ZC3H11A: variants seen among roughly 807,000 people sequenced by gnomAD.
ZC3H11A encodes zinc finger CCCH-type containing 11A.
ZC3H11A carries 22 observed loss-of-function variants against 90.8 expected under a neutral mutation model. That is an observed-to-expected ratio of 0.24 (90% CI 0.17 to 0.35). The LOEUF (loss-of-function observed/expected upper bound fraction) is 0.35, where lower values mean the gene tolerates loss of function less well. ZC3H11A is among the 10% of genes least tolerant of loss of function. ZC3H11A has a pLI of 1.00. For synonymous variants in ZC3H11A, 294 were observed against 339.8 expected (o/e 0.87, Z 1.48); for missense variants, 701 against 964.9 (o/e 0.73, Z 3.62).
In ZC3H11A at chr1:203,802,714, CTTTTTTTTTGT is replaced by C. The variant is rs1484833942; in HGVS notation, c.-433_-423del. 1 of 131,660 alleles carries C rather than the reference CTTTTTTTTTGT, an allele frequency of 7.6e-6. No homozygotes were observed. Among genetic ancestry groups the C allele is most frequent in the Admixed American group, 7.9e-5 (1 of 12,716 alleles). The allele number at this position is 131,660 out of a possible 1,614,324, so 8.2% of individuals were successfully genotyped here. On this transcript the variant is annotated 5_prime_UTR_variant, in exon 2 of 18. The change creates a premature stop within an existing upstream ORF in the 5' untranslated region. Transcript: ENST00000367210. ...TCTCAAGTTCATCTTTAAATGAACT[CTTTTTTTTTGT>C]TTTTTTTTTGTTTTGTTTTGTTTTG...
Position 203,827,473 on chromosome 1 carries a change from G to C in ZC3H11A, c.175-826G>C, listed in dbSNP as rs1438641570. ...AGGCGGGCGGATCACGAGGTCAGGA[G>C]ATCAAGACCATCCTGGCTAACATGG... On this transcript the variant is annotated intron_variant, in intron 4 of 17. Transcript: ENST00000367210. Among the ~76,000 whole-genome samples, 6 of 151,518 alleles carry C rather than the reference G, an allele frequency of 4.0e-5. No homozygotes were observed. In the South Asian group the frequency reaches 1.3e-3, roughly 32 times the overall value.
rs922293434 is a variant in ZC3H11A, at chr1:203,803,029, G to A, written c.-146+13G>A. 2 of 152,548 alleles carry A rather than the reference G, an allele frequency of 1.3e-5. No individual in the cohort carries two copies. The highest frequency in any genetic ancestry group is 2.9e-5 in the Non-Finnish European group (2 of 68,034). The allele number at this position is 152,548 out of a possible 1,614,324, so 9.4% of individuals were successfully genotyped here. A position where few individuals can be genotyped will look rare whatever the true frequency, so the allele number is the denominator to read the frequency against. ...GCAACCAGCTAATGTAAGTGGGGAA[G>A]CAGGCATTTTTCGCATGAAAGGAGT... On this transcript the variant is annotated intron_variant, in intron 2 of 17. Transcript: ENST00000367210.
At chr1:203,833,770 A>G in intron 9 of ZC3H11A, 21 bp from the exon 10 acceptor site, 2 of 1,602,934 alleles carry the variant, frequency 1.2e-6, no homozygotes, top group Non-Finnish European at 1.7e-6. Flanking sequence ...GGATAGAGAA[A>G]TTCTGCTTTT....
At chr1:203,797,684 A>G in intron 1 of ZC3H11A, 1 of 1,536,020 alleles carries the variant, frequency 6.5e-7, no homozygotes, top group East Asian at 2.4e-5. Flanking sequence ...GAGTGAATAA[A>G]GAGGCAAAAC....
At chr1:203,848,289 G>A (rs1688426704) in intron 13 of ZC3H11A, 42 bp from the exon 14 acceptor site, 2 of 1,528,472 alleles carry the variant, frequency 1.3e-6, no homozygotes, top group Non-Finnish European at 1.8e-6. Flanking sequence ...TGAAGTTGCA[G>A]CTTAAATAAA....
chr1:203,806,617 C>A (rs1396837497), intron 2 of ZC3H11A, among the ~76,000 whole-genome samples: 1 of 152,034 alleles, frequency 6.6e-6, no homozygotes, highest in Non-Finnish European at 1.5e-5. Flanking sequence ...ACCTTTTTTT[C>A]TTAATGCATA....
At chr1:203,798,426 G>A in intron 1 of ZC3H11A, 1 of 1,534,932 alleles carries the variant, frequency 6.5e-7, no homozygotes, top group Non-Finnish European at 8.7e-7. Context: ...GTCCCACTTA[G>A]GGACTTCAAC....
rs764689623 is a variant in ZC3H11A at position 203,850,619 on chromosome 1, G to T, written c.2044G>T (p.Ala682Ser). The T allele has an allele frequency of 7.4e-6, 12 of 1,614,106 alleles. No homozygotes were observed. The highest frequency in any genetic ancestry group is 9.3e-6 in the Non-Finnish European group (11 of 1,180,010). ...AVEMHAAVIA[A>S]VKPLSSSSVL... ...GGAGATGCACGCTGCTGTCATTGCC[G>T]CTGTGAAGCCACTCAGCTCCAGCAG... Residue 682 changes from alanine to serine, a missense_variant, in exon 16 of 18, where the codon GCT (alanine) becomes TCT (serine). Coordinates refer to ENST00000367210, the MANE Select transcript of ZC3H11A (RefSeq NM_001376342.1).
intron 9 of ZC3H11A, among the ~76,000 whole-genome samples, chr1:203,833,356 C>G (rs1417254608): frequency 8.7e-6 from 1 of 115,312 alleles, no homozygotes; most frequent in South Asian, 3.0e-4. Flanking sequence ...CAGAGTGAGA[C>G]TCTGTCTCAA....
Position 203,816,958 on chromosome 1 carries a change from G to C in ZC3H11A, c.-113G>C. The C allele has an allele frequency of 1.6e-6, 1 of 612,138 alleles. No homozygotes were observed. Among genetic ancestry groups the C allele is most frequent in the Non-Finnish European group, 2.8e-6 (1 of 357,642 alleles). The allele number at this position is 612,138 out of a possible 1,614,324, so 37.9% of individuals were successfully genotyped here. On this transcript the variant is annotated 5_prime_UTR_variant, in exon 3 of 18. Coordinates refer to ENST00000367210, the MANE Select transcript of ZC3H11A (RefSeq NM_001376342.1). The stretch of plus-strand genomic sequence containing the variant: ...GTTTAAAGACAATTTCTGTGATCAA[G>C]TTGTCATTTGGAAGATTAAACCCAT...
At chr1:203,841,480 A>G (rs1159712621) in intron 12 of ZC3H11A, among the ~76,000 whole-genome samples, 4 of 152,238 alleles carry the variant, frequency 2.6e-5, no homozygotes, top group Admixed American at 6.5e-5. Flanking sequence ...GAGTAAAGTT[A>G]TAGATTAACA....
chr1:203,823,059 T>C (rs1350475858), intron 4 of ZC3H11A, among the ~76,000 whole-genome samples: 1 of 137,704 alleles, frequency 7.3e-6, no homozygotes, highest in East Asian at 2.2e-4. Flanking sequence ...TCTGCAACTT[T>C]TATATTTTAT....
chr1:203,851,134 T>G lies in ZC3H11A; in HGVS notation c.2174+10T>G, dbSNP rs562487458. 1.9e-6 allele frequency: 3 copies of G among 1,613,738 alleles called. No homozygotes were observed. Among genetic ancestry groups the G allele is most frequent in the East Asian group, 2.2e-5 (1 of 44,876 alleles). On this transcript the variant is annotated intron_variant, in intron 17 of 17. Transcript: ENST00000367210. ...AAAATCCTAGAGACAGGTAATACTT[T>G]GTAATTCTTTCTAAACAAACTCCAG...
intron 3 of ZC3H11A, 104 bp from the exon 4 acceptor site, chr1:203,818,466 C>T (rs1677122116): frequency 6.8e-7 from 1 of 1,478,566 alleles, no homozygotes; most frequent in Admixed American, 1.9e-5. Context: ...CCAGTCCTTT[C>T]TTACTCATTT....
At chr1:203,808,716 G>A (rs1268724597) in intron 2 of ZC3H11A, among the ~76,000 whole-genome samples, 2 of 152,092 alleles carry the variant, frequency 1.3e-5, no homozygotes, top group Non-Finnish European at 2.9e-5. Context: ...TGTTTATTCT[G>A]TTCTTTCCTC....
At position 203,804,460 on chromosome 1, in the gene ZC3H11A, A is replaced by C. The variant is rs566100531; in HGVS notation, c.-146+1444A>C. Among the ~76,000 whole-genome samples the C allele has an allele frequency of 3.3e-5, 5 of 151,698 alleles. No homozygotes were observed. In the East Asian group the frequency reaches 9.8e-4, roughly 30 times the overall value. ...AGCCACCACGCCCGGCCCTTCCTGT[A>C]TATCTTTTTATTGTGAATGGTCTCT... On this transcript the variant is annotated intron_variant, in intron 2 of 17. Coordinates refer to ENST00000367210, the MANE Select transcript of ZC3H11A (RefSeq NM_001376342.1).
At chr1:203,797,955 T>G in intron 1 of ZC3H11A, 1 of 1,535,926 alleles carries the variant, frequency 6.5e-7, no homozygotes. Context: ...TGACCCCCAG[T>G]ACACCTGGCG....
chr1:203,818,997 A>G (rs1677293298), intron 4 of ZC3H11A, among the ~76,000 whole-genome samples: 1 of 150,840 alleles, frequency 6.6e-6, no homozygotes. Flanking sequence ...CGAACCAGGG[A>G]GTTGGAGGTT....
intron 1 of ZC3H11A, chr1:203,801,168 A>G (rs1670450675): frequency 6.6e-6 from 1 of 152,224 alleles, no homozygotes; most frequent in South Asian, 2.1e-4. Flanking sequence ...ATGGGTAAAA[A>G]CAGACTAAAA....
Sources: allele counts gnomAD v4.1 joint callset (sites outside exome capture counted in the v4.1 genomes callset), GRCh38; gene constraint gnomAD v4.1.1; transcripts MANE v1.5; gene names NCBI Gene and HGNC (gene_info 2026-07-23, HGNC 2026-07-21).